The following ATP8B4 variants were observed in gnomAD, a reference collection of about 807,000 sequenced individuals.
The protein encoded by ATP8B4 is ATPase phospholipid transporting 8B4 (putative), also known as probable phospholipid-transporting ATPase IM.
Under a neutral mutation model 145.6 loss-of-function variants are expected in ATP8B4, and 133 were observed. The ratio of observed to expected loss-of-function variants is 0.91; its 90% CI spans 0.79 to 1.05. The LOEUF (loss-of-function observed/expected upper bound fraction) is 1.05. ATP8B4 is among the 50% of genes least tolerant of loss of function. ATP8B4 has a pLI of 0.00. For synonymous variants in ATP8B4, 507 were observed against 492.9 expected (o/e 1.03, Z -0.38); for missense variants, 1,458 against 1,425.2 (o/e 1.02, Z -0.37).
intron 16 of ATP8B4, among the ~76,000 whole-genome samples, chr15:49,926,870 C>T (rs1425931296): frequency 1.3e-5 from 2 of 151,930 alleles, no homozygotes; most frequent in African/African-American, 4.8e-5. Context: ...TGCCATATCG[C>T]CGCTGTTCAT....
chr15:50,118,575 C>G (rs898405322), intron 1 of ATP8B4, among the ~76,000 whole-genome samples: 7 of 152,114 alleles, frequency 4.6e-5, no homozygotes, highest in African/African-American at 1.7e-4. Flanking sequence ...AATTGTTAAC[C>G]AGGGACCTGA....
At chr15:49,911,345 G>A (rs1270835136) in intron 20 of ATP8B4, among the ~76,000 whole-genome samples, 1 of 151,848 alleles carries the variant, frequency 6.6e-6, no homozygotes, top group East Asian at 1.9e-4. Context: ...CTCACAAACA[G>A]AAACCAAAAG....
At chr15:50,172,851 G>A (rs1487587531) in intron 1 of ATP8B4, among the ~76,000 whole-genome samples, 1 of 152,044 alleles carries the variant, frequency 6.6e-6, no homozygotes, top group Non-Finnish European at 1.5e-5. Flanking sequence ...TCTGGGAGGT[G>A]AGGAGCGTCT....
chr15:50,051,202 C>G (rs1284411808), intron 3 of ATP8B4, among the ~76,000 whole-genome samples: 2 of 152,174 alleles, frequency 1.3e-5, no homozygotes, highest in East Asian at 3.9e-4. Context: ...AAGGGGCTTT[C>G]CCTTCTTTTG....
intron 5 of ATP8B4, among the ~76,000 whole-genome samples, chr15:50,043,014 T>C (rs2051422737): frequency 6.6e-6 from 1 of 152,224 alleles, no homozygotes; most frequent in East Asian, 1.9e-4. Context: ...TTTCAGATTT[T>C]ATTAAAAATT....
chr15:50,096,008 G>T (rs754286601), intron 2 of ATP8B4, among the ~76,000 whole-genome samples: 1 of 152,136 alleles, frequency 6.6e-6, no homozygotes, highest in Non-Finnish European at 1.5e-5. Flanking sequence ...TAATGTTTAG[G>T]AAAGATTTCA....
intron 1 of ATP8B4, among the ~76,000 whole-genome samples, chr15:50,179,353 C>G (rs2044810442): frequency 6.6e-6 from 1 of 152,070 alleles, no homozygotes; most frequent in Admixed American, 6.6e-5. Context: ...TATCGATCAC[C>G]TTTCAAAGGA....
chr15:50,021,073 T>A (rs2153580881), intron 6 of ATP8B4, among the ~76,000 whole-genome samples: 1 of 152,216 alleles, frequency 6.6e-6, no homozygotes, highest in African/African-American at 2.4e-5. Context: ...ACTGTTCTAT[T>A]TGTGTGTGCA....
intron 24 of ATP8B4, among the ~76,000 whole-genome samples, chr15:49,877,476 A>T (rs954678930): frequency 7.9e-5 from 12 of 152,136 alleles, no homozygotes; most frequent in African/African-American, 2.9e-4. Context: ...TGCTTGTGGG[A>T]TGGCCCAGGT....
intron 1 of ATP8B4, among the ~76,000 whole-genome samples, chr15:50,147,567 C>G (rs756645320): frequency 1.3e-5 from 2 of 152,080 alleles, no homozygotes; most frequent in Non-Finnish European, 2.9e-5. Flanking sequence ...CAGGATCCCA[C>G]GGAGAAATGG....
intron 13 of ATP8B4, among the ~76,000 whole-genome samples, chr15:49,967,422 C>T (rs1476257723): frequency 6.6e-6 from 1 of 152,122 alleles, no homozygotes; most frequent in Non-Finnish European, 1.5e-5. Context: ...GGGAGAAGAA[C>T]ATAAGTGACC....
chr15:50,086,416 AAT>A lies in ATP8B4; in HGVS notation c.29-12233_29-12232del, dbSNP rs1168350376. Among the ~76,000 whole-genome samples, 12 of 22,154 alleles carry A rather than the reference AAT, an allele frequency of 5.4e-4. 2 individuals are homozygous for A. Among genetic ancestry groups the A allele is most frequent in the African/African-American group, 5.1e-3 (10 of 1,968 alleles). 14.5% of individuals were successfully genotyped at this position (22,154 alleles called of 152,430 possible). A position where few individuals can be genotyped will look rare whatever the true frequency, so the allele number is the denominator to read the frequency against. ...CTATATTTATTATATATAATAAAAT[AAT>A]ATAGAGATCTATAATTATATATAAT... On this transcript the variant is annotated intron_variant, in intron 2 of 27. Transcript: ENST00000284509.
chr15:49,940,949 C>G lies in ATP8B4; in HGVS notation c.1288-6767G>C, dbSNP rs538623684. ...CCCTCGAGAGACATAGAGAGAAAGA[C>G]AGAGAGAGCAAGACAGAGAATGAGA... On this transcript the variant is annotated intron_variant, in intron 14 of 27. Transcript: ENST00000284509. 2.6e-5 allele frequency among the ~76,000 whole-genome samples: 4 copies of G among 152,022 alleles called. No homozygotes were observed. In the South Asian group the frequency reaches 6.2e-4, roughly 24 times the overall value.
At chr15:50,079,932 G>A (rs1256783339) in intron 2 of ATP8B4, among the ~76,000 whole-genome samples, 2 of 152,150 alleles carry the variant, frequency 1.3e-5, no homozygotes, top group African/African-American at 4.8e-5. Flanking sequence ...GTTGGTAATA[G>A]CATTTGCATC....
At chr15:50,127,594 A>C (rs2057315733) in intron 1 of ATP8B4, among the ~76,000 whole-genome samples, 1 of 152,228 alleles carries the variant, frequency 6.6e-6, no homozygotes, top group African/African-American at 2.4e-5. Context: ...ATGTTGCCTT[A>C]TACACACTAT....
At chr15:50,039,781 G>C (rs1469368016) in intron 5 of ATP8B4, among the ~76,000 whole-genome samples, 1 of 152,032 alleles carries the variant, frequency 6.6e-6, no homozygotes, top group East Asian at 1.9e-4. Context: ...GCTTCAACCA[G>C]CCCTTTTCCT....
chr15:50,143,844 T>C (rs1007492856), intron 1 of ATP8B4, among the ~76,000 whole-genome samples: 1 of 152,046 alleles, frequency 6.6e-6, no homozygotes, highest in Non-Finnish European at 1.5e-5. Context: ...TAATCATGAG[T>C]GAGGGGGAGA....
chr15:50,067,798 CT>C, intron 3 of ATP8B4, among the ~76,000 whole-genome samples: 1 of 152,274 alleles, frequency 6.6e-6, no homozygotes, highest in South Asian at 2.1e-4. Flanking sequence ...CCTACACTAG[CT>C]TCTTCATGTA....
At chr15:50,046,721 G>A (rs1019773265) in intron 4 of ATP8B4, among the ~76,000 whole-genome samples, 19 of 152,244 alleles carry the variant, frequency 1.2e-4, no homozygotes, top group African/African-American at 4.6e-4. Context: ...TGTGTGTATA[G>A]TATGTATGTG....
Sources: gnomAD v4.1 joint callset for allele counts (sites outside exome capture counted in the v4.1 genomes callset) on GRCh38, gnomAD v4.1.1 for gene constraint, MANE v1.5 for transcripts, NCBI Gene and HGNC (gene_info 2026-07-23, HGNC 2026-07-21) for gene names.